NAALADL2: variants seen among roughly 807,000 people sequenced by gnomAD.
NAALADL2 encodes the protein inactive N-acetylated-alpha-linked acidic dipeptidase-like protein 2.
Under a neutral mutation model 87.2 loss-of-function variants are expected in NAALADL2, and 76 were observed. The ratio of observed to expected loss-of-function variants is 0.87; its 90% confidence interval spans 0.72 to 1.05. The LOEUF is 1.05. NAALADL2 is among the 50% of genes least tolerant of loss of function. NAALADL2 has a pLI of 0.00. For synonymous variants in NAALADL2, 354 were observed against 331.0 expected (o/e 1.07, Z -0.75); for missense variants, 1,089 against 945.8 (o/e 1.15, Z -1.99).
At chr3:174,678,928 A>G (rs980662837) in intron 2 of NAALADL2, among the ~76,000 whole-genome samples, 2 of 152,180 alleles carry the variant, frequency 1.3e-5, no homozygotes, top group African/African-American at 4.8e-5. Flanking sequence ...TTTAAAGTTT[A>G]TCTACTTTTC....
chr3:174,882,891 G>GTA (rs775939625), intron 1 of NAALADL2, among the ~76,000 whole-genome samples: 33 of 149,050 alleles, frequency 2.2e-4, no homozygotes, highest in African/African-American at 6.9e-4. Flanking sequence ...GTGTATATAT[G>GTA]TATATATATG....
At chr3:175,248,566 T>G (rs1748440021) in intron 3 of NAALADL2, among the ~76,000 whole-genome samples, 1 of 152,156 alleles carries the variant, frequency 6.6e-6, no homozygotes, top group African/African-American at 2.4e-5. Flanking sequence ...TTATGGTTCT[T>G]CTTTTTCAGC....
intron 4 of NAALADL2, among the ~76,000 whole-genome samples, chr3:175,276,446 G>A (rs1156310021): frequency 6.6e-6 from 1 of 152,010 alleles, no homozygotes; most frequent in Non-Finnish European, 1.5e-5. Flanking sequence ...TGGGACTACA[G>A]GCATGTGCCA....
intron 11 of NAALADL2, among the ~76,000 whole-genome samples, chr3:175,698,319 G>A (rs540937197): frequency 4.2e-5 from 3 of 71,772 alleles, no homozygotes; most frequent in African/African-American, 1.6e-4. Context: ...ATATGTATGT[G>A]TATTTATGTA....
At chr3:175,098,365 C>T (rs1392728849) in intron 2 of NAALADL2, among the ~76,000 whole-genome samples, 1 of 152,090 alleles carries the variant, frequency 6.6e-6, no homozygotes, top group African/African-American at 2.4e-5. Context: ...TAGAGAAATG[C>T]TTCCATCAGT....
chr3:175,220,381 T>C (rs1743180284), intron 2 of NAALADL2, among the ~76,000 whole-genome samples: 1 of 151,882 alleles, frequency 6.6e-6, no homozygotes, highest in Admixed American at 6.6e-5. Flanking sequence ...TAATTAACTA[T>C]ATTTTTAAGT....
chr3:175,680,021 C>A (rs779004119), intron 11 of NAALADL2, among the ~76,000 whole-genome samples: 72 of 152,244 alleles, frequency 4.7e-4, no homozygotes, highest in Non-Finnish European at 9.3e-4. Context: ...AAAAGATTCT[C>A]CTTACCTTAG....
intron 1 of NAALADL2, among the ~76,000 whole-genome samples, chr3:174,998,565 C>A (rs1476222414): frequency 2.0e-5 from 3 of 152,138 alleles, no homozygotes; most frequent in Non-Finnish European, 4.4e-5. Flanking sequence ...TTAATCATAA[C>A]CTTGATACAT....
At chr3:175,713,019 G>C (rs532978764) in intron 11 of NAALADL2, among the ~76,000 whole-genome samples, 19 of 152,146 alleles carry the variant, frequency 1.2e-4, no homozygotes, top group Non-Finnish European at 2.1e-4. Flanking sequence ...TAATCTAAAT[G>C]CTGTAATAGT....
intron 12 of NAALADL2, among the ~76,000 whole-genome samples, chr3:175,737,663 TTC>T (rs1282024932): frequency 2.0e-5 from 3 of 151,860 alleles, no homozygotes; most frequent in Non-Finnish European, 4.4e-5. Flanking sequence ...AATTCTAAGT[TTC>T]TGTTATTATT....
At chr3:174,869,042 G>A (rs1191284155) in intron 1 of NAALADL2, among the ~76,000 whole-genome samples, 3 of 151,958 alleles carry the variant, frequency 2.0e-5, no homozygotes, top group Admixed American at 6.6e-5. Flanking sequence ...TAAAGATGAC[G>A]GAGTTTTCAG....
chr3:175,583,415 A>G (rs1456267583), intron 10 of NAALADL2, among the ~76,000 whole-genome samples: 1 of 151,892 alleles, frequency 6.6e-6, no homozygotes, highest in East Asian at 1.9e-4. Flanking sequence ...ATTGTTACAT[A>G]AGCTTGTGAA....
chr3:174,501,095 T>TCCTTCCTC (rs1718854333), intron 1 of NAALADL2, among the ~76,000 whole-genome samples: 4 of 140,886 alleles, frequency 2.8e-5, no homozygotes, highest in African/African-American at 9.3e-5. Context: ...TTTTTTTTTT[T>TCCTTCCTC]TGAGACGGAG....
chr3:175,159,348 T>C (rs17596613), intron 2 of NAALADL2, among the ~76,000 whole-genome samples: 41,593 of 152,112 alleles, frequency 0.27, 6,226 homozygotes, highest in Non-Finnish European at 0.34. Flanking sequence ...AAAAAGCAGC[T>C]GATTTGAGTA....
At chr3:174,666,767 T>C (rs1408079145) in intron 2 of NAALADL2, among the ~76,000 whole-genome samples, 2 of 152,162 alleles carry the variant, frequency 1.3e-5, no homozygotes, top group African/African-American at 4.8e-5. Context: ...CACATTGTTG[T>C]TCAACAAAAC....
intron 11 of NAALADL2, among the ~76,000 whole-genome samples, chr3:175,720,277 A>G (rs1366960113): frequency 6.6e-6 from 1 of 152,138 alleles, no homozygotes; most frequent in Non-Finnish European, 1.5e-5. Context: ...ATTAGAAACC[A>G]TAACAAAAGA....
chr3:174,980,345 A>C (rs1250034408), intron 1 of NAALADL2, among the ~76,000 whole-genome samples: 1 of 152,176 alleles, frequency 6.6e-6, no homozygotes, highest in Non-Finnish European at 1.5e-5. Context: ...TTAAAATGGT[A>C]ATTATAGAGG....
chr3:175,066,909 TA>T (rs1325193081), intron 1 of NAALADL2, among the ~76,000 whole-genome samples: 3 of 152,160 alleles, frequency 2.0e-5, no homozygotes, highest in African/African-American at 7.2e-5. Context: ...ATCAATAAAT[TA>T]AAAGGAAATT....
At chr3:174,744,967 T>C (rs1346020140) in intron 3 of NAALADL2, among the ~76,000 whole-genome samples, 1 of 152,160 alleles carries the variant, frequency 6.6e-6, no homozygotes, top group Non-Finnish European at 1.5e-5. Flanking sequence ...GGGAAATTTA[T>C]AGCACTAAAT....
Sources: gnomAD v4.1 joint callset for allele counts (sites outside exome capture counted in the v4.1 genomes callset) on GRCh38, gnomAD v4.1.1 for gene constraint, MANE v1.5 for transcripts, NCBI Gene and HGNC (gene_info 2026-07-23, HGNC 2026-07-21) for gene names.